Variants in OPCML observed in about 807,000 individuals in gnomAD.
OPCML encodes opioid binding protein/cell adhesion molecule like.
In OPCML, 13 loss-of-function variants were observed where a neutral mutation model predicts 37.8. The observed-to-expected ratio is 0.34, with a 90% CI of 0.22 to 0.55. The LOEUF (loss-of-function observed/expected upper bound fraction) is 0.55. OPCML is among the 20% of genes least tolerant of loss of function. The pLI is 0.91. For synonymous variants in OPCML, 176 were observed against 168.8 expected, an observed-to-expected ratio of 1.04 and a Z score of -0.33; for missense variants, 341 against 435.6, an observed-to-expected ratio of 0.78 and a Z score of 1.93.
intron 1 of OPCML, among the ~76,000 whole-genome samples, chr11:133,140,142 G>A (rs954123748): frequency 1.2e-4 from 18 of 149,742 alleles, no homozygotes; most frequent in South Asian, 1.1e-3. Flanking sequence ...AGCCGAGATC[G>A]CACCACTGCA....
intron 2 of OPCML, among the ~76,000 whole-genome samples, chr11:132,659,903 G>C (rs1027753602): frequency 1.3e-5 from 2 of 152,084 alleles, no homozygotes; most frequent in African/African-American, 4.8e-5. Flanking sequence ...CTTTATGCTT[G>C]AAGGTCTTTT....
At chr11:132,837,427 T>C (rs1382040889) in intron 2 of OPCML, among the ~76,000 whole-genome samples, 1 of 152,154 alleles carries the variant, frequency 6.6e-6, no homozygotes, top group Non-Finnish European at 1.5e-5. Flanking sequence ...ATGGACCCAT[T>C]GTGTCATGTT....
intron 1 of OPCML, among the ~76,000 whole-genome samples, chr11:133,200,327 G>T (rs1343442214): frequency 6.7e-6 from 1 of 149,716 alleles, no homozygotes; most frequent in Non-Finnish European, 1.5e-5. Context: ...TGGTTTATTT[G>T]GGGGCAGAAG....
chr11:133,329,330 C>A (rs1943561687), intron 1 of OPCML, among the ~76,000 whole-genome samples: 1 of 152,178 alleles, frequency 6.6e-6, no homozygotes, highest in Non-Finnish European at 1.5e-5. Flanking sequence ...TTGGAAAAAA[C>A]TACTTTAAAG....
chr11:132,462,746 A>T (rs1342319379), intron 4 of OPCML, among the ~76,000 whole-genome samples: 1 of 152,184 alleles, frequency 6.6e-6, no homozygotes, highest in Admixed American at 6.5e-5. Context: ...TTAGATAAAC[A>T]TGAAATTCAT....
intron 4 of OPCML, among the ~76,000 whole-genome samples, chr11:132,471,916 C>T (rs1179766462): frequency 6.6e-6 from 1 of 152,144 alleles, no homozygotes; most frequent in Non-Finnish European, 1.5e-5. Context: ...TTCCATTTGC[C>T]TTCACTTTCC....
At chr11:132,681,345 G>C (rs1027676892) in intron 2 of OPCML, among the ~76,000 whole-genome samples, 1 of 152,178 alleles carries the variant, frequency 6.6e-6, no homozygotes, top group South Asian at 2.1e-4. Flanking sequence ...CCACTGACTT[G>C]ACTGGCAGAG....
At chr11:132,850,079 A>T (rs1941734908) in intron 2 of OPCML, among the ~76,000 whole-genome samples, 1 of 152,220 alleles carries the variant, frequency 6.6e-6, no homozygotes, top group African/African-American at 2.4e-5. Flanking sequence ...TAGAAAGTTT[A>T]TAGTGAAGTG....
At chr11:132,436,976 C>G (rs970919635) in intron 5 of OPCML, 197 bp from the exon 6 acceptor site, 2 of 938,186 alleles carry the variant, frequency 2.1e-6, no homozygotes, top group Non-Finnish European at 2.5e-6. Context: ...ACCCCAACCT[C>G]TTTTTCAGGC....
chr11:133,006,886 T>A (rs1665246309), intron 1 of OPCML: 1 of 985,330 alleles, frequency 1.0e-6, no homozygotes, highest in African/African-American at 1.7e-5. Flanking sequence ...GCTCATGCTA[T>A]ACCTGTCATG....
At position 132,943,179 on chromosome 11, in the gene OPCML, CG is replaced by C; in HGVS notation, c.62-170del. 1 of 1,587,724 alleles carries C rather than the reference CG, an allele frequency of 6.3e-7. No individual in the cohort carries two copies. The highest frequency in any genetic ancestry group is 1.3e-5 in the African/African-American group (1 of 74,474). ...GCACCAGCGGGCTCGGGAAGCGGTG[CG>C]GGGAGGAGGGAAGGGGCAGAGTTCG... is the stretch of plus-strand genomic sequence containing the variant. On this transcript the variant is annotated intron_variant, in intron 1 of 7. Transcript: ENST00000524381. The surrounding 1 kb of genome is among the most constrained non-coding windows in gnomAD (Gnocchi z 4.3).
At chr11:133,023,064 T>C (rs1947482966) in intron 1 of OPCML, among the ~76,000 whole-genome samples, 1 of 152,222 alleles carries the variant, frequency 6.6e-6, no homozygotes, top group Admixed American at 6.5e-5. Context: ...AATGAAACAC[T>C]GTTCTCAGAT....
At chr11:132,933,681 T>A (rs540039791) in intron 2 of OPCML, among the ~76,000 whole-genome samples, 131 of 152,312 alleles carry the variant, frequency 8.6e-4, no homozygotes, top group African/African-American at 2.9e-3. Flanking sequence ...GAGCACCTAC[T>A]AAGCATTAGG....
intron 3 of OPCML, among the ~76,000 whole-genome samples, chr11:132,553,055 C>T (rs555331481): frequency 4.5e-4 from 69 of 152,304 alleles, no homozygotes; most frequent in African/African-American, 1.6e-3. Flanking sequence ...TGAGCCACTA[C>T]GCGCAGCCGA....
At chr11:133,060,400 T>C (rs1275142113) in intron 1 of OPCML, among the ~76,000 whole-genome samples, 1 of 152,214 alleles carries the variant, frequency 6.6e-6, no homozygotes, top group Non-Finnish European at 1.5e-5. Flanking sequence ...TCTGACACAA[T>C]AGCCGCATGC....
intron 1 of OPCML, among the ~76,000 whole-genome samples, chr11:133,283,938 G>A (rs1298625828): frequency 6.6e-6 from 1 of 151,930 alleles, no homozygotes; most frequent in Non-Finnish European, 1.5e-5. Context: ...ACACTCTCCT[G>A]GATCGCTTCC....
At chr11:133,481,015 G>C (rs1345981606) in intron 1 of OPCML, among the ~76,000 whole-genome samples, 1 of 152,190 alleles carries the variant, frequency 6.6e-6, no homozygotes, top group Admixed American at 6.5e-5. Context: ...CCAGGCACTT[G>C]GGGGCTCTGG....
rs898259738 is a variant in OPCML at position 133,214,335 on chromosome 11, G to A, written c.62-271325C>T. The stretch of plus-strand genomic sequence containing the variant: ...CTTAGGCTAAATTTGTACACTTTAT[G>A]TGGTATGTGTGTATCAACACATGTA... On this transcript the variant is annotated intron_variant, in intron 1 of 7. Coordinates refer to ENST00000524381, the MANE Select transcript of OPCML (RefSeq NM_001012393.5). 6.6e-5 allele frequency among the ~76,000 whole-genome samples: 10 copies of A among 152,116 alleles called. 1 individual carries two copies. The highest frequency in any genetic ancestry group is 5.2e-4 in the Admixed American group (8 of 15,278).
chr11:133,291,545 T>C (rs1298803850), intron 1 of OPCML, among the ~76,000 whole-genome samples: 3 of 152,204 alleles, frequency 2.0e-5, no homozygotes, highest in East Asian at 1.9e-4. Flanking sequence ...GCAGCTGACA[T>C]GGTTGCAGGT....
Sources: gnomAD v4.1 joint callset for allele counts (sites outside exome capture counted in the v4.1 genomes callset) on GRCh38, gnomAD v4.1.1 for gene constraint, Gnocchi (gnomAD v3.1) non-coding constraint, MANE v1.5 for transcripts, NCBI Gene and HGNC (gene_info 2026-07-23, HGNC 2026-07-21) for gene names.